The following UBE2S variants were observed in gnomAD, a reference collection of about 807,000 sequenced individuals.
The protein encoded by UBE2S is ubiquitin-conjugating enzyme E2 S.
UBE2S carries 3 observed loss-of-function variants against 12.3 expected under a neutral mutation model. That is an observed-to-expected ratio of 0.24 (90% CI 0.11 to 0.63). UBE2S has a LOEUF of 0.63. Ranked by LOEUF, UBE2S falls within the 30% of genes least tolerant of loss-of-function variation. The pLI, the probability that UBE2S is intolerant of heterozygous loss-of-function variation, is 0.85. For missense variants in UBE2S, 211 were observed against 313.9 expected (o/e 0.67, Z 2.48); for synonymous variants, 133 against 142.0 (o/e 0.94, Z 0.45).
chr19:55,406,825 G>A lies in UBE2S; in HGVS notation c.141C>T (p.Ile47=), dbSNP rs1187201852. 1.2e-6 allele frequency: 2 copies of A among 1,612,770 alleles called. No homozygotes were observed. The highest frequency in any genetic ancestry group is 1.7e-5 in the Admixed American group (1 of 59,916). ...TCCTTCCAAACTCACCAGGGCCCTC[G>A]ATGGTGACCTGGAGGTCGGTGAGGT... is the stretch of plus-strand genomic sequence containing the variant. The part of the protein sequence containing the change: ...EEDLTDLQVT[I]EGPEGTPYAG... Residue 47 remains isoleucine, a synonymous_variant, in exon 2 of 4, where the codon ATC becomes ATT. Coordinates refer to ENST00000264552, the MANE Select transcript of UBE2S (RefSeq NM_014501.3).
At chr19:55,407,501 G>A (rs2123318406) in intron 1 of UBE2S, 86 bp downstream of exon 1, 1 of 1,447,432 alleles carries the variant, frequency 6.9e-7, no homozygotes, top group East Asian at 2.8e-5. Flanking sequence ...ACCCCTCAAG[G>A]CCGCCCGTCG....
intron 2 of UBE2S, 113 bp downstream of exon 2, chr19:55,406,702 C>T: frequency 7.2e-7 from 1 of 1,393,882 alleles, no homozygotes; most frequent in South Asian, 1.4e-5. Flanking sequence ...CCAATGCATC[C>T]CAACACCTGA....
intron 2 of UBE2S, among the ~76,000 whole-genome samples, chr19:55,406,157 A>C (rs890135556): frequency 2.0e-5 from 3 of 151,980 alleles, no homozygotes; most frequent in African/African-American, 7.3e-5. Flanking sequence ...GAGCCTTCCT[A>C]TTGTCATGAT....
intron 3 of UBE2S, among the ~76,000 whole-genome samples, chr19:55,402,528 AACTGGCC>A (rs917845234): frequency 3.3e-5 from 5 of 152,206 alleles, no homozygotes; most frequent in African/African-American, 1.2e-4. Flanking sequence ...GGTCTGGGCA[AACTGGCC>A]ACAGCAGTTT....
chr19:55,400,398 C>A lies in UBE2S; in HGVS notation c.*1038G>T, dbSNP rs1451340947. 6.6e-6 allele frequency: 1 copy of A among 152,150 alleles called. No homozygotes were observed. Among genetic ancestry groups the A allele is most frequent in the Non-Finnish European group, 1.5e-5 (1 of 68,036 alleles). 9.4% of individuals were successfully genotyped at this position (152,150 alleles called of 1,614,324 possible). On this transcript the variant is annotated 3_prime_UTR_variant, in exon 4 of 4. Coordinates refer to ENST00000264552, the MANE Select transcript of UBE2S (RefSeq NM_014501.3). ...AATAGAATGGGAAGTTTCCCCACCC[C>A]CTGGTGTGCACACCCAGGTTAATCC...
rs75136801 is a variant in UBE2S at position 55,403,053 on chromosome 19, G to A, written c.342+1235C>T. 1,276 of 1,411,648 alleles carry A rather than the reference G, an allele frequency of 9.0e-4. 14 individuals are homozygous for A. The African/African-American group carries it at 0.016, about 18-fold the overall frequency. 87.4% of individuals were successfully genotyped at this position (1,411,648 alleles called of 1,614,324 possible). On this transcript the variant is annotated intron_variant, in intron 3 of 3. Coordinates refer to ENST00000264552, the MANE Select transcript of UBE2S (RefSeq NM_014501.3). The stretch of plus-strand genomic sequence containing the variant: ...CAGCCAGGTCATTCTGTGTCATGGA[G>A]CCATCTCGTACGCTGCAGGATTTGG...
In UBE2S at chr19:55,401,481, C is replaced by T. The variant is rs370235477; in HGVS notation, c.624G>A (p.Ala208=). 43 of 1,608,410 alleles carry T rather than the reference C, an allele frequency of 2.7e-5. 1 individual carries two copies. The highest frequency in any genetic ancestry group is 1.9e-4 in the African/African-American group (14 of 74,786). ...GCTTCTTGTCCGTCTTTTTCTTGGC[C>T]GCCAGCTTCTTATCGCGCTCGCCAG... is the stretch of plus-strand genomic sequence containing the variant. ...KHAGERDKKL[A]AKKKTDKKRA... is the part of the protein sequence containing the mutation. Residue 208 remains alanine (A), a synonymous_variant, in exon 4 of 4, where the codon GCG becomes GCA. Coordinates refer to ENST00000264552, the MANE Select transcript of UBE2S (RefSeq NM_014501.3).
chr19:55,403,219 T>A, intron 3 of UBE2S: 1 of 622,990 alleles, frequency 1.6e-6, no homozygotes, highest in Admixed American at 2.6e-5. Context: ...ATGAACCCTA[T>A]CGCTATTAAA....
intron 1 of UBE2S, 83 bp downstream of exon 1, chr19:55,407,504 G>C: frequency 6.9e-7 from 1 of 1,445,096 alleles, no homozygotes; most frequent in Non-Finnish European, 9.3e-7. Flanking sequence ...CCTCAAGGCC[G>C]CCCGTCGGAG....
At chr19:55,406,745 TAGGGTGATCTAGAGC>T in intron 2 of UBE2S, 55 bp downstream of exon 2, 1 of 1,544,972 alleles carries the variant, frequency 6.5e-7, no homozygotes, top group Middle Eastern at 2.4e-4. Context: ...TACTTCCCGC[TAGGGTGATCTAGAGC>T]AGGGTGATGG....
rs779728382 is a variant in UBE2S, at chr19:55,401,649, T to C, written c.456A>G (p.Thr152=). 4 of 1,609,278 alleles carry C rather than the reference T, an allele frequency of 2.5e-6. No individual in the cohort carries two copies. The Admixed American group carries it at 5.1e-5, about 20-fold the overall frequency. Residue 152 remains threonine (T), a synonymous_variant, in exon 4 of 4, where the codon ACA becomes ACG. Coordinates refer to ENST00000264552, the MANE Select transcript of UBE2S (RefSeq NM_014501.3). ...EEYAARARLL[T]EIHGGAGGPS... ...GCCCGCCGGCGCCCCCGTGGATCTC[T>C]GTGAGCAGACGGGCCCGAGCCGCAT...
rs2090081822 is a variant in UBE2S, at chr19:55,404,208, TA to T, written c.342+79del. The stretch of plus-strand genomic sequence containing the variant: ...CACTTCAGAGTTGATTCAGAAAAAC[TA>T]AACAAAGCGCTATGGCTCAGACACC... On this transcript the variant is annotated intron_variant, in intron 3 of 3. Coordinates refer to ENST00000264552, the MANE Select transcript of UBE2S (RefSeq NM_014501.3). The surrounding 1 kb of genome is among the most constrained non-coding windows in gnomAD (Gnocchi z 4.4). The T allele has an allele frequency of 3.2e-6, 5 of 1,567,504 alleles. No individual in the cohort carries two copies. The Admixed American group carries it at 9.0e-5, about 28-fold the overall frequency.
chr19:55,400,614 A>G lies in UBE2S; in HGVS notation c.*822T>C, dbSNP rs1041455919. 1 of 152,280 alleles carries G rather than the reference A, an allele frequency of 6.6e-6. No individual in the cohort carries two copies. The highest frequency in any genetic ancestry group is 1.5e-5 in the Non-Finnish European group (1 of 68,074). The allele number at this position is 152,280 out of a possible 1,614,324, so 9.4% of individuals were successfully genotyped here. A position where few individuals can be genotyped will look rare whatever the true frequency, so the allele number is the denominator to read the frequency against. On this transcript the variant is annotated 3_prime_UTR_variant, in exon 4 of 4. Coordinates refer to ENST00000264552, the MANE Select transcript of UBE2S (RefSeq NM_014501.3). ...GAGCTAAGACCCTAGTTCTACGAGG[A>G]CTGAAATCAGCCAACAACCATGAGC...
intron 1 of UBE2S, among the ~76,000 whole-genome samples, chr19:55,407,176 T>TC (rs2090101421): frequency 6.7e-6 from 1 of 149,902 alleles, no homozygotes; most frequent in Admixed American, 6.6e-5. Context: ...GGCTTGCAGA[T>TC]AACTCCACCC....
Position 55,404,262 on chromosome 19 carries a change from A to G in UBE2S, c.342+26T>C. 2 of 1,612,004 alleles carry G rather than the reference A, an allele frequency of 1.2e-6. No homozygotes were observed. Among genetic ancestry groups the G allele is most frequent in the Non-Finnish European group, 8.5e-7 (1 of 1,179,596 alleles). ...CAGACCTCCAGAGGCAGGAGGCAGG[A>G]GGCCCAGCCCCAGCCCAGAACTCAC... On this transcript the variant is annotated intron_variant, in intron 3 of 3. Coordinates refer to ENST00000264552, the MANE Select transcript of UBE2S (RefSeq NM_014501.3). This position sits in a 1 kb window ranked among gnomAD's most constrained non-coding sequence, Gnocchi z 4.4.
In UBE2S at chr19:55,407,772, C is replaced by T. The variant is rs932248045; in HGVS notation, c.-183G>A. On this transcript the variant is annotated 5_prime_UTR_variant, in exon 1 of 4. Coordinates refer to ENST00000264552, the MANE Select transcript of UBE2S (RefSeq NM_014501.3). Reference sequence around the variant, plus strand: ...CGTAGACCAACCCGCCGCCCCGGTGCCCGGCAGCACTGAGCCGGCCGCGCG... The same window carrying T: ...CGTAGACCAACCCGCCGCCCCGGTGTCCGGCAGCACTGAGCCGGCCGCGCG... 3 of 376,402 alleles carry T rather than the reference C, an allele frequency of 8.0e-6. No homozygotes were observed. The highest frequency in any genetic ancestry group is 4.2e-5 in the African/African-American group (2 of 47,110). 23.3% of individuals were successfully genotyped at this position (376,402 alleles called of 1,614,324 possible).
chr19:55,404,550 G>C lies in UBE2S; in HGVS notation c.152-72C>G, dbSNP rs1332750517. 1.5e-6 allele frequency: 2 copies of C among 1,360,134 alleles called. No individual in the cohort carries two copies. The highest frequency in any genetic ancestry group is 5.1e-5 in the Admixed American group (2 of 39,350). 84.3% of individuals were successfully genotyped at this position (1,360,134 alleles called of 1,614,324 possible). On this transcript the variant is annotated intron_variant, in intron 2 of 3. Transcript: ENST00000264552. The surrounding 1 kb of genome is among the most constrained non-coding windows in gnomAD (Gnocchi z 4.4). ...AGGCACCTCAACACCCCAAAGTCCAGTCTCCACGGTCTGATTGTGATGCAG... is the reference window on the plus strand; with the variant it reads ...AGGCACCTCAACACCCCAAAGTCCACTCTCCACGGTCTGATTGTGATGCAG...
In UBE2S at chr19:55,400,299, G is replaced by A. The variant is rs541872311; in HGVS notation, c.*1137C>T. On this transcript the variant is annotated 3_prime_UTR_variant, in exon 4 of 4. Transcript: ENST00000264552. ...CTCCTAAAGTTGGGATTACAGGCGT[G>A]AGCCATTGCGCCTGGCCTATTTTTA... 8.5e-5 allele frequency: 13 copies of A among 152,344 alleles called. No individual in the cohort carries two copies. Among genetic ancestry groups the A allele is most frequent in the African/African-American group, 2.9e-4 (12 of 41,572 alleles). 9.4% of individuals were successfully genotyped at this position (152,344 alleles called of 1,614,324 possible). A position where few individuals can be genotyped will look rare whatever the true frequency, so the allele number is the denominator to read the frequency against.
Position 55,403,370 on chromosome 19 carries a change from T to C in UBE2S, c.342+918A>G, listed in dbSNP as rs554113149. The C allele has an allele frequency of 2.2e-4, 88 of 405,774 alleles. 1 individual carries two copies. The East Asian group carries it at 3.4e-3, about 16-fold the overall frequency. 25.1% of individuals were successfully genotyped at this position (405,774 alleles called of 1,614,324 possible). A position where few individuals can be genotyped will look rare whatever the true frequency, so the allele number is the denominator to read the frequency against. Reference sequence around the variant, plus strand: ...TGGGTATGGTGGTGCATGCGTGTAATACCAGCCATTCAGGAAGCTGAGGCA... The same window carrying C: ...TGGGTATGGTGGTGCATGCGTGTAACACCAGCCATTCAGGAAGCTGAGGCA... On this transcript the variant is annotated intron_variant, in intron 3 of 3. Coordinates refer to ENST00000264552, the MANE Select transcript of UBE2S (RefSeq NM_014501.3).
Sources: allele counts gnomAD v4.1 joint callset (sites outside exome capture counted in the v4.1 genomes callset), GRCh38; gene constraint gnomAD v4.1.1; non-coding constraint Gnocchi (gnomAD v3.1); transcripts MANE v1.5; gene names NCBI Gene and HGNC (gene_info 2026-07-23, HGNC 2026-07-21).